ELAVL2: variants seen among roughly 807,000 people sequenced by gnomAD.
ELAVL2 encodes the protein ELAV-like protein 2.
In ELAVL2, 4 loss-of-function variants were observed where a neutral mutation model predicts 34.6. The observed-to-expected ratio is 0.12, with a 90% confidence interval of 0.06 to 0.26. ELAVL2 has a LOEUF of 0.26. Ranked by LOEUF, ELAVL2 falls within the 10% of genes least tolerant of loss-of-function variation. ELAVL2 has a pLI of 1.00. For synonymous variants in ELAVL2, 193 were observed against 154.8 expected (o/e 1.25, Z -1.83); for missense variants, 432 against 442.8 (o/e 0.98, Z 0.22).
chr9:23,843,008 G>A, the ELAVL2 span, among the ~76,000 whole-genome samples: 1 of 152,218 alleles, frequency 6.6e-6, no homozygotes, highest in South Asian at 2.1e-4. Context: ...ATGAAAGCCA[G>A]TTTCTTTTGG....
chr9:23,775,131 C>T (rs903306621), intron 1 of ELAVL2, among the ~76,000 whole-genome samples: 12 of 152,298 alleles, frequency 7.9e-5, no homozygotes, highest in Non-Finnish European at 1.2e-4. Flanking sequence ...GATCTCCCTG[C>T]CTTCTGGAGA....
chr9:23,783,704 T>C (rs940726392), intron 1 of ELAVL2, among the ~76,000 whole-genome samples: 9 of 151,860 alleles, frequency 5.9e-5, no homozygotes, highest in African/African-American at 2.2e-4. Flanking sequence ...ACTTACTGTC[T>C]AAGCAAAGAA....
chr9:23,793,410 T>A (rs899227661), intron 1 of ELAVL2, among the ~76,000 whole-genome samples: 1 of 152,146 alleles, frequency 6.6e-6, no homozygotes, highest in African/African-American at 2.4e-5. Context: ...CTAAGTATTA[T>A]CATCCTAAGT....
intron 2 of ELAVL2, among the ~76,000 whole-genome samples, chr9:23,746,221 T>C (rs2050442663): frequency 6.6e-6 from 1 of 152,182 alleles, no homozygotes; most frequent in Non-Finnish European, 1.5e-5. Context: ...CCAATAGCTA[T>C]GGCAAGTTCA....
intron 3 of ELAVL2, among the ~76,000 whole-genome samples, chr9:23,717,493 G>A (rs1477024789): frequency 6.6e-6 from 1 of 152,200 alleles, no homozygotes; most frequent in East Asian, 1.9e-4. Context: ...GATAGAATAA[G>A]TATACTTTAT....
intron 1 of ELAVL2, among the ~76,000 whole-genome samples, chr9:23,813,132 T>C (rs527330066): frequency 6.6e-6 from 1 of 152,198 alleles, no homozygotes; most frequent in African/African-American, 2.4e-5. Context: ...CTCTCTGCTA[T>C]TCAAATTGTG....
At chr9:23,822,296 C>T (rs2064910277) in intron 1 of ELAVL2, among the ~76,000 whole-genome samples, 1 of 152,174 alleles carries the variant, frequency 6.6e-6, no homozygotes, top group Non-Finnish European at 1.5e-5. Context: ...AAAATAAAGG[C>T]TTAGCCCCCT....
At chr9:23,704,470 T>C (rs530596955) in intron 4 of ELAVL2, among the ~76,000 whole-genome samples, 2 of 152,238 alleles carry the variant, frequency 1.3e-5, no homozygotes, top group South Asian at 2.1e-4. Flanking sequence ...CAGCACAGCA[T>C]GAACCTGGAA....
the ELAVL2 span, among the ~76,000 whole-genome samples, chr9:23,842,857 C>T: frequency 6.6e-6 from 1 of 152,070 alleles, no homozygotes; most frequent in Admixed American, 6.6e-5. Context: ...GAAAACATTC[C>T]CCCTACTTTA....
chr9:23,788,861 G>C (rs953426172), intron 1 of ELAVL2, among the ~76,000 whole-genome samples: 3 of 152,156 alleles, frequency 2.0e-5, no homozygotes, highest in Admixed American at 1.3e-4. Context: ...TCAGCATGAG[G>C]GTACATCACA....
the ELAVL2 span, among the ~76,000 whole-genome samples, chr9:23,832,758 T>C: frequency 6.6e-6 from 1 of 152,166 alleles, no homozygotes; most frequent in Non-Finnish European, 1.5e-5. Flanking sequence ...TTGTTTAACT[T>C]CAAAAATGTG....
At chr9:23,847,878 A>G in the ELAVL2 span, among the ~76,000 whole-genome samples, 1 of 152,050 alleles carries the variant, frequency 6.6e-6, no homozygotes, top group Non-Finnish European at 1.5e-5. Flanking sequence ...CTTATTTTAA[A>G]TAATAATTTT....
At chr9:23,757,921 A>C (rs2135854738) in intron 2 of ELAVL2, among the ~76,000 whole-genome samples, 1 of 152,226 alleles carries the variant, frequency 6.6e-6, no homozygotes. Flanking sequence ...TAAGAAGCAC[A>C]CACTTTCCTA....
intron 1 of ELAVL2, among the ~76,000 whole-genome samples, chr9:23,824,843 T>C (rs3793605): frequency 1.3e-5 from 2 of 151,846 alleles, no homozygotes; most frequent in South Asian, 2.1e-4. Flanking sequence ...TTCGAGGAAG[T>C]GGGGGCGGTA....
At chr9:23,721,736 T>TGTTCC (rs1365165568) in intron 3 of ELAVL2, among the ~76,000 whole-genome samples, 1 of 152,184 alleles carries the variant, frequency 6.6e-6, no homozygotes, top group African/African-American at 2.4e-5. Flanking sequence ...GGGGGAAGGA[T>TGTTCC]CCTTATGATG....
intron 2 of ELAVL2, among the ~76,000 whole-genome samples, 168 bp from the exon 3 acceptor site, chr9:23,731,293 T>C (rs922970339): frequency 6.6e-6 from 1 of 152,056 alleles, no homozygotes; most frequent in African/African-American, 2.4e-5. Flanking sequence ...ATGTCTCCTG[T>C]CTACTACATT....
intron 3 of ELAVL2, among the ~76,000 whole-genome samples, chr9:23,714,104 T>A (rs1286503516): frequency 6.6e-6 from 1 of 152,236 alleles, no homozygotes; most frequent in Non-Finnish European, 1.5e-5. Context: ...ACAATTCAGA[T>A]AATGATAGCT....
intron 3 of ELAVL2, among the ~76,000 whole-genome samples, chr9:23,712,485 C>G (rs1034433966): frequency 3.3e-5 from 5 of 152,084 alleles, no homozygotes; most frequent in African/African-American, 1.2e-4. Flanking sequence ...TATTATAATT[C>G]TTCTACTAGT....
chr9:23,763,172 T>C (rs1008122240), intron 1 of ELAVL2, among the ~76,000 whole-genome samples: 1 of 152,116 alleles, frequency 6.6e-6, no homozygotes, highest in African/African-American at 2.4e-5. Context: ...CATAAGCCTG[T>C]TGAAAATGCA....
Sources: allele counts gnomAD v4.1 joint callset (sites outside exome capture counted in the v4.1 genomes callset), GRCh38; gene constraint gnomAD v4.1.1; transcripts MANE v1.5; gene names NCBI Gene and HGNC (gene_info 2026-07-23, HGNC 2026-07-21).